Variants in IMMP2L observed in about 807,000 individuals in gnomAD.
The protein encoded by IMMP2L is inner mitochondrial membrane peptidase subunit 2.
IMMP2L carries 18 observed loss-of-function variants against 19.3 expected under a neutral mutation model. That is an observed-to-expected ratio of 0.93 (90% CI 0.64 to 1.38). The LOEUF (loss-of-function observed/expected upper bound fraction) is 1.38. Ranked by LOEUF, IMMP2L falls within the 40% of genes most tolerant of loss-of-function variation. The pLI is 0.00. For missense variants in IMMP2L, 233 were observed against 218.2 expected (o/e 1.07, Z -0.43); for synonymous variants, 76 against 73.0 (o/e 1.04, Z -0.21).
intron 3 of IMMP2L, among the ~76,000 whole-genome samples, chr7:111,024,695 C>G (rs1021847067): frequency 6.6e-6 from 1 of 152,152 alleles, no homozygotes; most frequent in African/African-American, 2.4e-5. Flanking sequence ...TTTATCCTTT[C>G]AATAACTATC....
rs184521356 is a variant in IMMP2L, at chr7:111,377,280, C to T, written c.239+109958G>A. On this transcript the variant is annotated intron_variant, in intron 3 of 5. Transcript: ENST00000405709. ...ATGTGTGTATGTGTATGTGTGTATG[C>T]GTTCATATATATAAAGAAGGAAAAC... Among the ~76,000 whole-genome samples the T allele has an allele frequency of 1.2e-3, 182 of 151,526 alleles. 4 individuals carry two copies. Among genetic ancestry groups the T allele is most frequent in the Admixed American group, 0.011 (165 of 15,142 alleles).
In IMMP2L at chr7:111,468,697, T is replaced by C. The variant is rs920958285; in HGVS notation, c.239+18541A>G. Among the ~76,000 whole-genome samples the C allele has an allele frequency of 3.4e-4, 51 of 152,086 alleles. 1 individual carries two copies. The highest frequency in any genetic ancestry group is 1.2e-4 in the Non-Finnish European group (8 of 67,998). On this transcript the variant is annotated intron_variant, in intron 3 of 5. Coordinates refer to ENST00000405709, the MANE Select transcript of IMMP2L (RefSeq NM_032549.4). The stretch of plus-strand genomic sequence containing the variant: ...TGTGGAAAATGTACTAGAGAAAACA[T>C]ATCATAGTCAAAGAAGGAGAGATCT...
chr7:110,950,841 C>CATATATATATATATATATATATATAT (rs34797718), intron 4 of IMMP2L, among the ~76,000 whole-genome samples: 11 of 100,606 alleles, frequency 1.1e-4, no homozygotes, highest in East Asian at 2.9e-4. Context: ...CAAAATGTGG[C>CATATATATATATATATATATATATAT]ATATATATAT....
intron 3 of IMMP2L, among the ~76,000 whole-genome samples, chr7:110,967,698 G>A (rs563921830): frequency 6.6e-6 from 1 of 152,044 alleles, no homozygotes; most frequent in East Asian, 1.9e-4. Flanking sequence ...GAATATTCTG[G>A]GGATGGCTTC....
At chr7:110,946,684 A>C (rs977834718) in intron 4 of IMMP2L, among the ~76,000 whole-genome samples, 1 of 151,956 alleles carries the variant, frequency 6.6e-6, no homozygotes, top group Non-Finnish European at 1.5e-5. Context: ...ACACGACATT[A>C]ACATATTAAA....
At chr7:111,190,095 A>G (rs1808708868) in intron 3 of IMMP2L, among the ~76,000 whole-genome samples, 1 of 152,164 alleles carries the variant, frequency 6.6e-6, no homozygotes, top group Non-Finnish European at 1.5e-5. Context: ...TACATTTTAC[A>G]GCATCATCTC....
chr7:111,239,846 A>T lies in IMMP2L; in HGVS notation c.239+247392T>A, dbSNP rs112390943. ...ATGAGCAAGCCTAAGTGTTCTTGCTAAAGGTAATTAAGTGGTATTTTGTAA... is the reference window on the plus strand; with the variant it reads ...ATGAGCAAGCCTAAGTGTTCTTGCTTAAGGTAATTAAGTGGTATTTTGTAA... On this transcript the variant is annotated intron_variant, in intron 3 of 5. Coordinates refer to ENST00000405709, the MANE Select transcript of IMMP2L (RefSeq NM_032549.4). 3.5e-3 allele frequency among the ~76,000 whole-genome samples: 535 copies of T among 152,042 alleles called. 2 individuals are homozygous for T. Among genetic ancestry groups the T allele is most frequent in the African/African-American group, 0.012 (505 of 41,504 alleles).
At chr7:111,372,602 T>G (rs1830352365) in intron 3 of IMMP2L, among the ~76,000 whole-genome samples, 1 of 151,914 alleles carries the variant, frequency 6.6e-6, no homozygotes, top group South Asian at 2.1e-4. Context: ...TTGTCACTTC[T>G]TCTGATGAGT....
At chr7:110,911,432 A>G (rs932232491) in intron 4 of IMMP2L, among the ~76,000 whole-genome samples, 2 of 152,190 alleles carry the variant, frequency 1.3e-5, no homozygotes, top group African/African-American at 2.4e-5. Flanking sequence ...TCTAATTTCA[A>G]TTATGTGGAA....
intron 3 of IMMP2L, chr7:111,091,628 C>CT (rs1270769296): frequency 6.6e-6 from 1 of 152,138 alleles, no homozygotes; most frequent in African/African-American, 2.4e-5. Context: ...GAGCATTTTT[C>CT]TTTTATTGCA....
rs969010240 is a variant in IMMP2L, at chr7:110,813,048, A to G, written c.408+73545T>C. On this transcript the variant is annotated intron_variant, in intron 5 of 5. Coordinates refer to ENST00000405709, the MANE Select transcript of IMMP2L (RefSeq NM_032549.4). ...TGAAGCTGAATTAGAGTTACGAGGAATCACTTTGCAGTAAAATGTTTTCCC... is the reference window on the plus strand; with the variant it reads ...TGAAGCTGAATTAGAGTTACGAGGAGTCACTTTGCAGTAAAATGTTTTCCC... Among the ~76,000 whole-genome samples the G allele has an allele frequency of 5.3e-5, 8 of 152,190 alleles. No homozygotes were observed. In the East Asian group the frequency reaches 1.2e-3, roughly 22 times the overall value.
chr7:111,235,980 T>G (rs1043282139), intron 3 of IMMP2L, among the ~76,000 whole-genome samples: 2 of 152,116 alleles, frequency 1.3e-5, no homozygotes, highest in African/African-American at 4.8e-5. Flanking sequence ...CCAGCAAATT[T>G]TTTTCATCTT....
At chr7:111,495,443 G>C (rs1350957385) in intron 2 of IMMP2L, among the ~76,000 whole-genome samples, 1 of 152,074 alleles carries the variant, frequency 6.6e-6, no homozygotes, top group African/African-American at 2.4e-5. Context: ...TCTGCTTTTG[G>C]AACAAGCATA....
chr7:111,043,092 C>T (rs971228362), intron 3 of IMMP2L, among the ~76,000 whole-genome samples: 49 of 152,218 alleles, frequency 3.2e-4, no homozygotes, highest in Middle Eastern at 3.2e-3. Context: ...CTCCACCTCA[C>T]CCAATCCACA....
intron 3 of IMMP2L, among the ~76,000 whole-genome samples, chr7:110,974,682 A>G (rs1481294321): frequency 6.6e-6 from 1 of 152,060 alleles, no homozygotes; most frequent in Non-Finnish European, 1.5e-5. Flanking sequence ...ACTGGCACTC[A>G]GATGTCTTCC....
At chr7:111,056,561 A>G (rs1229821608) in intron 3 of IMMP2L, among the ~76,000 whole-genome samples, 3 of 152,248 alleles carry the variant, frequency 2.0e-5, no homozygotes, top group Admixed American at 1.3e-4. Flanking sequence ...TCACAGGGTT[A>G]GAGTTGCTGA....
At chr7:110,684,259 T>C (rs947056082) in intron 5 of IMMP2L, among the ~76,000 whole-genome samples, 7 of 152,072 alleles carry the variant, frequency 4.6e-5, no homozygotes, top group Admixed American at 2.0e-4. Flanking sequence ...AAGCTGTTAT[T>C]TCCTAAAGTA....
intron 5 of IMMP2L, among the ~76,000 whole-genome samples, chr7:110,704,906 A>G (rs1794544756): frequency 6.6e-6 from 1 of 152,186 alleles, no homozygotes; most frequent in Admixed American, 6.5e-5. Context: ...CATATGCCAA[A>G]TCTAAGAAAA....
At chr7:111,419,970 T>G (rs1835330332) in intron 3 of IMMP2L, among the ~76,000 whole-genome samples, 1 of 151,004 alleles carries the variant, frequency 6.6e-6, no homozygotes, top group Admixed American at 6.6e-5. Flanking sequence ...GGCTTCAGTT[T>G]GAGACTATGA....
Sources: allele counts gnomAD v4.1 joint callset (sites outside exome capture counted in the v4.1 genomes callset), GRCh38; gene constraint gnomAD v4.1.1; transcripts MANE v1.5; gene names NCBI Gene and HGNC (gene_info 2026-07-23, HGNC 2026-07-21).